The following OTX2 variants were observed in gnomAD, a reference collection of about 807,000 sequenced individuals.
OTX2 encodes homeobox protein OTX2.
Under a neutral mutation model 29.0 loss-of-function variants are expected in OTX2, and 4 were observed. The observed-to-expected ratio is 0.14, with a 90% CI of 0.07 to 0.32. The LOEUF (loss-of-function observed/expected upper bound fraction) is 0.32. OTX2 is among the 10% of genes least tolerant of loss of function. The pLI is 1.00. For missense variants in OTX2, 298 were observed against 365.9 expected, an observed-to-expected ratio of 0.81 and a Z score of 1.51; for synonymous variants, 134 against 141.0, an observed-to-expected ratio of 0.95 and a Z score of 0.35.
intron 2 of OTX2, among the ~76,000 whole-genome samples, chr14:56,807,970 GGCAGCCCCGCAGCCCC>G (rs537642936): frequency 0.34 from 51,394 of 150,972 alleles, 9,144 homozygotes; most frequent in Admixed American, 0.51. Flanking sequence ...GTTCCTGCCC[GGCAGCCCCGCAGCCCC>G]GCAGCCCCGC....
Position 56,804,486 on chromosome 14 carries a change from C to G in OTX2, c.98-123G>C. 1 of 891,184 alleles carries G rather than the reference C, an allele frequency of 1.1e-6. No homozygotes were observed. The highest frequency in any genetic ancestry group is 1.7e-6 in the Non-Finnish European group (1 of 597,442). 55.2% of individuals were successfully genotyped at this position (891,184 alleles called of 1,614,324 possible). A position where few individuals can be genotyped will look rare whatever the true frequency, so the allele number is the denominator to read the frequency against. Reference sequence around the variant, plus strand: ...CCCTTCAGCCGGGAGCCTACCAATGCTCTCCCCACCGTCTCCCCAGCCTTG... The same window carrying G: ...CCCTTCAGCCGGGAGCCTACCAATGGTCTCCCCACCGTCTCCCCAGCCTTG... On this transcript the variant is annotated intron_variant, in intron 3 of 4. Transcript: ENST00000672264. This position sits in a 1 kb window ranked among gnomAD's most constrained non-coding sequence, Gnocchi z 4.1.
Position 56,804,047 on chromosome 14 carries a change from A to G in OTX2, c.273+141T>C. On this transcript the variant is annotated intron_variant, in intron 4 of 4. Transcript: ENST00000672264. The surrounding 1 kb of genome is among the most constrained non-coding windows in gnomAD (Gnocchi z 4.1). ...GCAGGCAAAAAAGGGCAGAAGGAGA[A>G]TAGTTTCCTGGCCCCTTAGTGAGTG... 2 of 1,002,666 alleles carry G rather than the reference A, an allele frequency of 2.0e-6. No homozygotes were observed. Among genetic ancestry groups the G allele is most frequent in the Non-Finnish European group, 3.0e-6 (2 of 657,452 alleles). 62.1% of individuals were successfully genotyped at this position (1,002,666 alleles called of 1,614,324 possible). A position where few individuals can be genotyped will look rare whatever the true frequency, so the allele number is the denominator to read the frequency against.
At chr14:56,803,960 G>A (rs2139533150) in intron 4 of OTX2, among the ~76,000 whole-genome samples, 1 of 152,312 alleles carries the variant, frequency 6.6e-6, no homozygotes, top group Non-Finnish European at 1.5e-5. Context: ...TCAAGGATGG[G>A]TCTCTCTCCA....
At chr14:56,806,017 T>G (rs1282252544) in intron 2 of OTX2, among the ~76,000 whole-genome samples, 1 of 152,120 alleles carries the variant, frequency 6.6e-6, no homozygotes, top group Non-Finnish European at 1.5e-5. Flanking sequence ...TAAATAATGC[T>G]GATAACAAAG....
rs1212466415 is a variant in OTX2 at position 56,804,806 on chromosome 14, A to C, written c.98-443T>G. Among the ~76,000 whole-genome samples, 2 of 152,124 alleles carry C rather than the reference A, an allele frequency of 1.3e-5. No homozygotes were observed. Among genetic ancestry groups the C allele is most frequent in the African/African-American group, 2.4e-5 (1 of 41,424 alleles). On this transcript the variant is annotated intron_variant, in intron 3 of 4. Transcript: ENST00000672264. The surrounding 1 kb of genome is among the most constrained non-coding windows in gnomAD (Gnocchi z 4.1). ...TCCTCCATCTTTAAAATGGGGACAT[A>C]GTTCATACTCCTGGGAGGATTTTTA... is the stretch of plus-strand genomic sequence containing the variant.
At chr14:56,805,234 C>T (rs1383485971) in intron 3 of OTX2, 126 bp downstream of exon 3, 1 of 698,026 alleles carries the variant, frequency 1.4e-6, no homozygotes, top group African/African-American at 1.7e-5. Context: ...CTAGAGGAGA[C>T]CAAGCCTGAA....
At chr14:56,806,207 C>A (rs933180096) in intron 2 of OTX2, among the ~76,000 whole-genome samples, 6 of 152,124 alleles carry the variant, frequency 3.9e-5, no homozygotes, top group Admixed American at 2.0e-4. Context: ...CTTGGAAAAA[C>A]CGCTCAACCA....
intron 2 of OTX2, among the ~76,000 whole-genome samples, chr14:56,808,956 C>G (rs1892182625): frequency 1.3e-5 from 2 of 152,256 alleles, no homozygotes; most frequent in African/African-American, 4.8e-5. Context: ...CAGAGCGACC[C>G]GTCGCCCGCG....
In OTX2 at chr14:56,802,852, G is replaced by T. The variant is rs1430620214; in HGVS notation, c.274-497C>A. ...CAACTGCTAATATAGAGGTTGGTTG[G>T]TTCCATCACCCTTCTGTCTCTCTTA... On this transcript the variant is annotated intron_variant, in intron 4 of 4. Transcript: ENST00000672264. This position sits in a 1 kb window ranked among gnomAD's most constrained non-coding sequence, Gnocchi z 4.4. Among the ~76,000 whole-genome samples the T allele has an allele frequency of 6.6e-6, 1 of 152,196 alleles. No individual in the cohort carries two copies. Among genetic ancestry groups the T allele is most frequent in the African/African-American group, 2.4e-5 (1 of 41,440 alleles).
In OTX2 at chr14:56,805,573, G is replaced by C. The variant is rs1892059639; in HGVS notation, c.-117C>G. ...CTTGGTGGGTGGGTTTGGAGCAGTG[G>C]AACTAAGGGCAAAGCAAACAAACAA... is the stretch of plus-strand genomic sequence containing the variant. On this transcript the variant is annotated splice_region_variant and 5_prime_UTR_variant, in exon 3 of 5. Transcript: ENST00000672264. 4.2e-6 allele frequency: 3 copies of C among 712,174 alleles called. No individual in the cohort carries two copies. The highest frequency in any genetic ancestry group is 4.0e-5 in the Admixed American group (2 of 49,898). 44.1% of individuals were successfully genotyped at this position (712,174 alleles called of 1,614,324 possible). A position where few individuals can be genotyped will look rare whatever the true frequency, so the allele number is the denominator to read the frequency against.
In OTX2 at chr14:56,804,320, G is replaced by T; in HGVS notation, c.141C>A (p.Arg47=). Residue 47 remains arginine (R), a synonymous_variant, in exon 4 of 5, where the codon CGC becomes CGA. Coordinates refer to ENST00000672264, the MANE Select transcript of OTX2 (RefSeq NM_021728.4). This position sits in a 1 kb window ranked among gnomAD's most constrained non-coding sequence, Gnocchi z 4.1. ...SCPAATPRKQ[R]RERTTFTRAQ... ...CCCGAGTGAACGTCGTCCTCTCCCGGCGCTGTTTCCGGGGGGTGGCTGCGG... is the reference window on the plus strand; with the variant it reads ...CCCGAGTGAACGTCGTCCTCTCCCGTCGCTGTTTCCGGGGGGTGGCTGCGG... 1 of 1,614,086 alleles carries T rather than the reference G, an allele frequency of 6.2e-7. No individual in the cohort carries two copies. The highest frequency in any genetic ancestry group is 8.5e-7 in the Non-Finnish European group (1 of 1,180,030).
At position 56,800,362 on chromosome 14, in the gene OTX2, C is replaced by G. The variant is rs747030165; in HGVS notation, c.*1373G>C. On this transcript the variant is annotated 3_prime_UTR_variant, in exon 5 of 5. Coordinates refer to ENST00000672264, the MANE Select transcript of OTX2 (RefSeq NM_021728.4). The stretch of plus-strand genomic sequence containing the variant: ...TCATTCTCATGTTTTCAGAGATACT[C>G]CAATTCTCCTCCTCCCTCTTAAAAA... 3.9e-5 allele frequency: 6 copies of G among 151,960 alleles called. No homozygotes were observed. Among genetic ancestry groups the G allele is most frequent in the Non-Finnish European group, 8.8e-5 (6 of 67,994 alleles). 9.4% of individuals were successfully genotyped at this position (151,960 alleles called of 1,614,324 possible).
chr14:56,805,584 AAAGC>A lies in OTX2; in HGVS notation c.-119-13_-119-10del, dbSNP rs1892060235. 1.4e-6 allele frequency: 1 copy of A among 696,820 alleles called. No individual in the cohort carries two copies. The highest frequency in any genetic ancestry group is 2.6e-6 in the Non-Finnish European group (1 of 380,484). 43.2% of individuals were successfully genotyped at this position (696,820 alleles called of 1,614,324 possible). ...GGTTTGGAGCAGTGGAACTAAGGGC[AAAGC>A]AAACAAACAAACAGAGGGGCTGGTT... On this transcript the variant is annotated splice_polypyrimidine_tract_variant and intron_variant, in intron 2 of 4. Coordinates refer to ENST00000672264, the MANE Select transcript of OTX2 (RefSeq NM_021728.4).
chr14:56,801,251 A>G lies in OTX2; in HGVS notation c.*484T>C. On this transcript the variant is annotated 3_prime_UTR_variant, in exon 5 of 5. Transcript: ENST00000672264. The surrounding 1 kb of genome is among the most constrained non-coding windows in gnomAD (Gnocchi z 4.2). ...TAGTGCATCTAGGACAATCAGTCACACAATTCACACAGCCCTGAAAAGTTT... is the reference window on the plus strand; with the variant it reads ...TAGTGCATCTAGGACAATCAGTCACGCAATTCACACAGCCCTGAAAAGTTT... 4.7e-6 allele frequency: 1 copy of G among 213,516 alleles called. No homozygotes were observed. Among genetic ancestry groups the G allele is most frequent in the South Asian group, 8.6e-5 (1 of 11,684 alleles). The allele number at this position is 213,516 out of a possible 1,614,324, so 13.2% of individuals were successfully genotyped here.
In OTX2 at chr14:56,810,361, C is replaced by CT. The variant is rs570520714; in HGVS notation, c.-184+14dup. ...TAGAGTTCTAAACACGCGTGGGCCC[C>CT]TCTGCAATACATACAAAGTAGATGT... On this transcript the variant is annotated intron_variant, in intron 1 of 4. Coordinates refer to ENST00000672264, the MANE Select transcript of OTX2 (RefSeq NM_021728.4). 5 of 152,170 alleles carry CT rather than the reference C, an allele frequency of 3.3e-5. No homozygotes were observed. The highest frequency in any genetic ancestry group is 1.3e-4 in the Admixed American group (2 of 15,276). The allele number at this position is 152,170 out of a possible 1,614,324, so 9.4% of individuals were successfully genotyped here.
At chr14:56,807,948 C>T (rs538915499) in intron 2 of OTX2, among the ~76,000 whole-genome samples, 6 of 152,070 alleles carry the variant, frequency 3.9e-5, no homozygotes, top group Non-Finnish European at 7.4e-5. Context: ...GGCGCGAGTG[C>T]CTGGGTCCCG....
At chr14:56,807,351 G>A (rs1055441500) in intron 2 of OTX2, among the ~76,000 whole-genome samples, 1 of 152,078 alleles carries the variant, frequency 6.6e-6, no homozygotes, top group African/African-American at 2.4e-5. Context: ...CCTCTAAACT[G>A]GAGATTGGAG....
chr14:56,808,979 A>T (rs1415318434), intron 2 of OTX2, among the ~76,000 whole-genome samples: 1 of 152,186 alleles, frequency 6.6e-6, no homozygotes, highest in Non-Finnish European at 1.5e-5. Context: ...CGGCGCTGGC[A>T]GGGACCTTCG....
chr14:56,808,212 C>T (rs1230743609), intron 2 of OTX2, among the ~76,000 whole-genome samples: 6 of 152,158 alleles, frequency 3.9e-5, no homozygotes, highest in Admixed American at 3.3e-4. Flanking sequence ...TAAATGTTTT[C>T]TTGATAAACT....
Sources: gnomAD v4.1 joint callset for allele counts (sites outside exome capture counted in the v4.1 genomes callset) on GRCh38, gnomAD v4.1.1 for gene constraint, Gnocchi (gnomAD v3.1) non-coding constraint, MANE v1.5 for transcripts, NCBI Gene and HGNC (gene_info 2026-07-23, HGNC 2026-07-21) for gene names.